Variants in MAST2 observed in about 807,000 individuals in gnomAD.
MAST2 encodes the protein microtubule associated serine/threonine kinase 2.
MAST2 carries 70 observed loss-of-function variants against 147.4 expected under a neutral mutation model. The observed-to-expected ratio is 0.47, with a 90% CI of 0.39 to 0.58. MAST2 has a LOEUF of 0.58. Among genes scored for constraint, MAST2 ranks in the 20% least tolerant of loss-of-function variants. The pLI, the probability that MAST2 is intolerant of heterozygous loss-of-function variation, is 0.00. For missense variants in MAST2, 2,080 were observed against 2,302.3 expected (o/e 0.90, Z 1.98); for synonymous variants, 869 against 896.8 (o/e 0.97, Z 0.55).
At chr1:45,885,608 T>C (rs1287460167) in intron 4 of MAST2, among the ~76,000 whole-genome samples, 1 of 152,182 alleles carries the variant, frequency 6.6e-6, no homozygotes, top group Non-Finnish European at 1.5e-5. Context: ...CAGGCAGATG[T>C]GGGTTTCAGT....
At chr1:46,027,614 G>C in intron 16 of MAST2, 117 bp from the exon 17 acceptor site, 1 of 1,106,866 alleles carries the variant, frequency 9.0e-7, no homozygotes, top group Non-Finnish European at 1.3e-6. Context: ...AAGCTACCCA[G>C]CTTGTGTCTC....
At chr1:46,027,900 C>A in intron 17 of MAST2, 37 bp downstream of exon 17, 1 of 1,611,066 alleles carries the variant, frequency 6.2e-7, no homozygotes, top group Non-Finnish European at 8.5e-7. Flanking sequence ...GGGTTAAATT[C>A]TAGGCCCTTG....
intron 4 of MAST2, among the ~76,000 whole-genome samples, chr1:45,923,037 A>G (rs997706498): frequency 1.3e-5 from 2 of 152,046 alleles, no homozygotes; most frequent in East Asian, 1.9e-4. Flanking sequence ...CCCCTGAAGC[A>G]TGGCCCCAGC....
At chr1:45,806,646 C>G (rs528276930) in intron 1 of MAST2, among the ~76,000 whole-genome samples, 6 of 152,306 alleles carry the variant, frequency 3.9e-5, no homozygotes, top group African/African-American at 1.4e-4. Context: ...GGCACATTCT[C>G]AGCTCACTGC....
intron 2 of MAST2, 104 bp from the exon 3 acceptor site, chr1:45,829,335 T>C (rs1266763788): frequency 2.1e-6 from 2 of 973,484 alleles, no homozygotes; most frequent in Non-Finnish European, 2.9e-6. Flanking sequence ...AATTTTACTT[T>C]GTATCAGTAT....
rs1029326538 is a variant in MAST2, at chr1:45,911,881, T to C, written c.500+29486T>C. ...TTATTATTATTATTATTATTATTAT[T>C]ATTATTATTATTATTATTATGTAGC... On this transcript the variant is annotated intron_variant, in intron 4 of 28. Transcript: ENST00000361297. Among the ~76,000 whole-genome samples, 3 of 146,884 alleles carry C rather than the reference T, an allele frequency of 2.0e-5. No individual in the cohort carries two copies. In the Admixed American group the frequency reaches 2.1e-4, roughly 10 times the overall value.
intron 8 of MAST2, among the ~76,000 whole-genome samples, chr1:46,007,370 G>A (rs1557465812): frequency 6.6e-6 from 1 of 152,308 alleles, no homozygotes; most frequent in African/African-American, 2.4e-5. Flanking sequence ...TGAGGCTCCA[G>A]TGCCTTTCTC....
intron 4 of MAST2, among the ~76,000 whole-genome samples, chr1:45,889,447 G>A (rs1344679418): frequency 1.3e-5 from 2 of 152,158 alleles, no homozygotes; most frequent in East Asian, 1.9e-4. Context: ...TCGGCCTTCC[G>A]AGGTGCTGAG....
At chr1:46,021,623 T>G (rs935455506) in intron 11 of MAST2, among the ~76,000 whole-genome samples, 1 of 152,198 alleles carries the variant, frequency 6.6e-6, no homozygotes, top group African/African-American at 2.4e-5. Context: ...ACTGGGCATC[T>G]GAATACACCA....
In MAST2 at chr1:45,861,412, A is replaced by AT. The variant is rs940736475; in HGVS notation, c.469-20937dup. 5.2e-3 allele frequency among the ~76,000 whole-genome samples: 743 copies of AT among 143,512 alleles called. 2 individuals are homozygous for AT. Among genetic ancestry groups the AT allele is most frequent in the Non-Finnish European group, 6.1e-3 (395 of 65,162 alleles). 94.1% of individuals were successfully genotyped at this position (143,512 alleles called of 152,430 possible). A position where few individuals can be genotyped will look rare whatever the true frequency, so the allele number is the denominator to read the frequency against. ...TTCTTGTTCTCTGTATTATCTCTCA[A>AT]TTTTTTTTTTTTTTTACTCATCTCA... On this transcript the variant is annotated intron_variant, in intron 3 of 28. Transcript: ENST00000361297.
chr1:45,968,772 C>A (rs1352139280), intron 5 of MAST2, among the ~76,000 whole-genome samples: 2 of 151,314 alleles, frequency 1.3e-5, no homozygotes, highest in Non-Finnish European at 2.9e-5. Context: ...GTCATTATTG[C>A]TTCAAATAAT....
chr1:45,825,004 T>A (rs969902521), intron 2 of MAST2, among the ~76,000 whole-genome samples: 1 of 152,212 alleles, frequency 6.6e-6, no homozygotes, highest in Non-Finnish European at 1.5e-5. Flanking sequence ...AGCAATTACA[T>A]TGTACATTGT....
chr1:45,887,473 TTGGGCAG>T (rs923068492), intron 4 of MAST2, among the ~76,000 whole-genome samples: 5 of 152,168 alleles, frequency 3.3e-5, no homozygotes, highest in African/African-American at 1.2e-4. Context: ...GCTTATTCAT[TTGGGCAG>T]TGGACTTAGA....
At chr1:46,019,457 C>A (rs752219709) in intron 10 of MAST2, 139 bp from the exon 11 acceptor site, 15 of 637,656 alleles carry the variant, frequency 2.4e-5, no homozygotes, top group Non-Finnish European at 3.5e-5. Flanking sequence ...AGCCAGCCAG[C>A]CTTCTCTGAG....
At chr1:45,865,132 G>A in intron 3 of MAST2, 1 of 456,442 alleles carries the variant, frequency 2.2e-6, no homozygotes, top group Non-Finnish European at 4.4e-6. Flanking sequence ...AGAAGGAGAG[G>A]GTTACAGGTG....
chr1:45,981,683 C>T (rs1384399793), intron 5 of MAST2, among the ~76,000 whole-genome samples: 2 of 152,088 alleles, frequency 1.3e-5, no homozygotes, highest in Non-Finnish European at 2.9e-5. Flanking sequence ...TGTACAAGGG[C>T]AGCTTGGAGG....
chr1:45,941,390 G>T (rs1657245426), intron 4 of MAST2, among the ~76,000 whole-genome samples: 1 of 152,140 alleles, frequency 6.6e-6, no homozygotes, highest in African/African-American at 2.4e-5. Flanking sequence ...CTCCCGAGTA[G>T]CTGGGATTGC....
rs778466505 is a variant in MAST2 at position 46,019,674 on chromosome 1, C to T, written c.1267C>T (p.Pro423Ser). Residue 423 changes from proline (P) to serine (S), a missense_variant, in exon 11 of 29, where the codon CCA becomes TCA. Pro to Ser is a moderately conservative substitution (Grantham distance 74). Around this residue, in one of 4 missense-constraint regions of MAST2, gnomAD observed 569 missense variants for 642.5 expected, o/e 0.89. Coordinates refer to ENST00000361297, the MANE Select transcript of MAST2 (RefSeq NM_015112.3). ...VKKLMIIIAR[P>S]ARLLECLEFD... ...AAAGCTGATGATTATCATTGCCCGCCCAGCACGTCTCCTGGAATGCCTGGT... is the reference window on the plus strand; with the variant it reads ...AAAGCTGATGATTATCATTGCCCGCTCAGCACGTCTCCTGGAATGCCTGGT... 2.5e-6 allele frequency: 4 copies of T among 1,614,116 alleles called. No individual in the cohort carries two copies. The highest frequency in any genetic ancestry group is 1.7e-5 in the Admixed American group (1 of 60,018).
chr1:45,906,536 TAAAA>T (rs145905219), intron 4 of MAST2, among the ~76,000 whole-genome samples: 23 of 148,144 alleles, frequency 1.6e-4, no homozygotes, highest in Non-Finnish European at 3.1e-4. Context: ...AATTTATTGT[TAAAA>T]AAATAATGTA....
Sources: gnomAD v4.1 joint callset for allele counts (sites outside exome capture counted in the v4.1 genomes callset) on GRCh38, gnomAD v4.1.1 for gene constraint, gnomAD v4.1.1 regional missense constraint, MANE v1.5 for transcripts, NCBI Gene and HGNC (gene_info 2026-07-23, HGNC 2026-07-21) for gene names.